Variants in COL26A1 observed in about 807,000 individuals in gnomAD.
The protein encoded by COL26A1 is collagen type XXVI alpha 1 chain.
Under a neutral mutation model 59.3 loss-of-function variants are expected in COL26A1, and 41 were observed. The observed-to-expected ratio is 0.69, with a 90% confidence interval of 0.54 to 0.90. The LOEUF (loss-of-function observed/expected upper bound fraction) is 0.90. Among genes scored for constraint, COL26A1 ranks in the 40% least tolerant of loss-of-function variants. COL26A1 has a pLI of 0.00. For missense variants in COL26A1, 612 were observed against 602.3 expected (o/e 1.02, Z -0.17); for synonymous variants, 266 against 256.0 (o/e 1.04, Z -0.37).
chr7:101,496,760 C>T (rs1205226421), intron 3 of COL26A1, among the ~76,000 whole-genome samples: 1 of 151,988 alleles, frequency 6.6e-6, no homozygotes, highest in Non-Finnish European at 1.5e-5. Flanking sequence ...ATGGCGCGTG[C>T]CTGTAATCCC....
intron 3 of COL26A1, among the ~76,000 whole-genome samples, chr7:101,513,424 T>C (rs1794967106): frequency 6.6e-6 from 1 of 152,216 alleles, no homozygotes; most frequent in East Asian, 1.9e-4. Flanking sequence ...CCTCCTGTGT[T>C]CAAGTGATTC....
At chr7:101,425,334 C>T (rs977328153) in intron 2 of COL26A1, among the ~76,000 whole-genome samples, 2 of 152,002 alleles carry the variant, frequency 1.3e-5, no homozygotes, top group African/African-American at 2.4e-5. Flanking sequence ...ATTCCCTGGC[C>T]GAATTGCTCA....
chr7:101,539,021 C>T (rs952150182), intron 4 of COL26A1, among the ~76,000 whole-genome samples: 21 of 152,218 alleles, frequency 1.4e-4, no homozygotes, highest in Admixed American at 1.2e-3. Flanking sequence ...CAGAGACTCA[C>T]GGGGCCTCTG....
At chr7:101,526,118 G>A (rs1054489232) in intron 3 of COL26A1, among the ~76,000 whole-genome samples, 1 of 151,040 alleles carries the variant, frequency 6.6e-6, no homozygotes, top group African/African-American at 2.4e-5. Context: ...GCGTGATCTC[G>A]GCTCACTGCA....
At chr7:101,438,893 A>G (rs955941573) in intron 2 of COL26A1, among the ~76,000 whole-genome samples, 1 of 143,776 alleles carries the variant, frequency 7.0e-6, no homozygotes, top group African/African-American at 2.5e-5. Context: ...CATGTTTGTC[A>G]GGCTGGTCTC....
At chr7:101,482,299 C>A (rs140206060) in intron 3 of COL26A1, among the ~76,000 whole-genome samples, 293 of 152,290 alleles carry the variant, frequency 1.9e-3, no homozygotes, top group African/African-American at 6.9e-3. Context: ...TTAGCCACCA[C>A]CGCGCCTGGC....
At chr7:101,496,885 A>G (rs1794600913) in intron 3 of COL26A1, among the ~76,000 whole-genome samples, 1 of 148,098 alleles carries the variant, frequency 6.8e-6, no homozygotes, top group Non-Finnish European at 1.5e-5. Context: ...GTCTCAAAGA[A>G]AAAAAAAAAA....
chr7:101,387,752 A>T (rs1377750789), intron 1 of COL26A1, among the ~76,000 whole-genome samples: 56 of 88,974 alleles, frequency 6.3e-4, no homozygotes, highest in African/African-American at 2.2e-3. Context: ...ATATATATAT[A>T]TTTATATATA....
chr7:101,538,609 C>T (rs1048024178), intron 4 of COL26A1, among the ~76,000 whole-genome samples: 2 of 152,082 alleles, frequency 1.3e-5, no homozygotes, highest in East Asian at 1.9e-4. Flanking sequence ...TCCAGGCCAT[C>T]GGAGGACTGT....
intron 1 of COL26A1, among the ~76,000 whole-genome samples, chr7:101,415,665 CTG>C (rs1792355281): frequency 6.6e-6 from 1 of 152,082 alleles, no homozygotes; most frequent in African/African-American, 2.4e-5. Flanking sequence ...GGGTCTGGCT[CTG>C]TCATCCAGAC....
Position 101,478,334 on chromosome 7 carries a change from C to T in COL26A1, c.385+30547C>T, listed in dbSNP as rs187499218. On this transcript the variant is annotated intron_variant, in intron 3 of 12. Coordinates refer to ENST00000313669, the MANE Select transcript of COL26A1 (RefSeq NM_001278563.3). ...CTTTCTGTGACTTGAGGTGCGGTTT[C>T]GGGAGAGCGTGGTGGTAAATGTGTG... 3.7e-3 allele frequency among the ~76,000 whole-genome samples: 557 copies of T among 152,258 alleles called. 3 individuals carry two copies. The highest frequency in any genetic ancestry group is 0.012 in the African/African-American group (491 of 41,554).
At chr7:101,464,917 G>T (rs1659762412) in intron 3 of COL26A1, among the ~76,000 whole-genome samples, 1 of 151,710 alleles carries the variant, frequency 6.6e-6, no homozygotes, top group East Asian at 1.9e-4. Context: ...TCGCTATGTT[G>T]CCCAGGCTGG....
At chr7:101,391,965 G>A (rs1473714913) in intron 1 of COL26A1, among the ~76,000 whole-genome samples, 3 of 151,608 alleles carry the variant, frequency 2.0e-5, no homozygotes, top group Admixed American at 6.6e-5. Context: ...TGATCCTCCC[G>A]CCTCAGCTTC....
chr7:101,417,712 A>ATAGAGATATATCTATAGATC (rs1792413485), intron 1 of COL26A1, among the ~76,000 whole-genome samples: 2 of 122,142 alleles, frequency 1.6e-5, no homozygotes, highest in African/African-American at 4.0e-5. Context: ...ATCTATAGAT[A>ATAGAGATATATCTATAGATC]TCTATATCTA....
rs149361281 is a variant in COL26A1 at position 101,456,168 on chromosome 7, ATT to A, written c.385+8390_385+8391del. ...TTACTGTAAGTATATATATATATAT[ATT>A]TTTTTTTTAATGGAGATAAAATTTA... On this transcript the variant is annotated intron_variant, in intron 3 of 12. Transcript: ENST00000313669. Among the ~76,000 whole-genome samples the A allele has an allele frequency of 6.7e-4, 83 of 124,590 alleles. No individual in the cohort carries two copies. The East Asian group carries it at 7.7e-3, about 12-fold the overall frequency. The allele number at this position is 124,590 out of a possible 152,430, so 81.7% of individuals were successfully genotyped here. A position where few individuals can be genotyped will look rare whatever the true frequency, so the allele number is the denominator to read the frequency against.
intron 2 of COL26A1, among the ~76,000 whole-genome samples, chr7:101,446,918 A>T (rs754217528): frequency 6.6e-6 from 1 of 151,288 alleles, no homozygotes; most frequent in Non-Finnish European, 1.5e-5. Flanking sequence ...GGGAGACTGG[A>T]GGTTTTTATC....
rs532217281 is a variant in COL26A1, at chr7:101,416,728, T to C, written c.159-3249T>C. ...CATTTCACTTCTAAGATAATGCATT[T>C]TTTTAATTTCATTTTTTTTGTGTGT... On this transcript the variant is annotated intron_variant, in intron 1 of 12. Transcript: ENST00000313669. Among the ~76,000 whole-genome samples the C allele has an allele frequency of 1.6e-3, 228 of 143,756 alleles. 33 individuals carry two copies. Among genetic ancestry groups the C allele is most frequent in the Admixed American group, 2.7e-3 (38 of 14,186 alleles). The allele number at this position is 143,756 out of a possible 152,430, so 94.3% of individuals were successfully genotyped here.
intron 3 of COL26A1, among the ~76,000 whole-genome samples, chr7:101,499,192 C>T (rs1489248919): frequency 6.6e-6 from 1 of 152,060 alleles, no homozygotes; most frequent in Non-Finnish European, 1.5e-5. Context: ...TCCACAGCCT[C>T]GACCTTCTGC....
At chr7:101,398,727 A>G (rs980392645) in intron 1 of COL26A1, among the ~76,000 whole-genome samples, 4 of 152,004 alleles carry the variant, frequency 2.6e-5, no homozygotes, top group Non-Finnish European at 5.9e-5. Flanking sequence ...CTCCCCAGTT[A>G]TCACTCCCCA....
Sources: allele counts gnomAD v4.1 joint callset (sites outside exome capture counted in the v4.1 genomes callset), GRCh38; gene constraint gnomAD v4.1.1; transcripts MANE v1.5; gene names NCBI Gene and HGNC (gene_info 2026-07-23, HGNC 2026-07-21).